EPHA3: variants seen among roughly 807,000 people sequenced by gnomAD.
EPHA3 encodes EPH receptor A3, also known as ephrin type-A receptor 3.
A neutral mutation model predicts 107.1 loss-of-function variants in EPHA3; 42 were observed. That is an observed-to-expected ratio of 0.39 (90% CI 0.31 to 0.51). The LOEUF is 0.51. Among genes scored for constraint, EPHA3 ranks in the 20% least tolerant of loss-of-function variants. EPHA3 has a pLI of 0.78. For missense variants in EPHA3, 1,183 were observed against 1,211.2 expected, an observed-to-expected ratio of 0.98 and a Z score of 0.35; for synonymous variants, 461 against 424.8, an observed-to-expected ratio of 1.09 and a Z score of -1.05.
At chr3:89,373,572 A>G (rs1708347748) in intron 5 of EPHA3, among the ~76,000 whole-genome samples, 1 of 151,796 alleles carries the variant, frequency 6.6e-6, no homozygotes, top group East Asian at 1.9e-4. Flanking sequence ...TCTCATTCCT[A>G]TGTGACAGGT....
At chr3:89,205,851 A>G (rs1706088894) in intron 2 of EPHA3, among the ~76,000 whole-genome samples, 1 of 151,924 alleles carries the variant, frequency 6.6e-6, no homozygotes, top group South Asian at 2.1e-4. Context: ...GCAGGATAGA[A>G]TCTCTGATAA....
chr3:89,356,320 A>G (rs1318172853), intron 5 of EPHA3, among the ~76,000 whole-genome samples: 8 of 150,976 alleles, frequency 5.3e-5, no homozygotes, highest in Non-Finnish European at 7.4e-5. Flanking sequence ...TTATAGCAGC[A>G]TGATTTATAG....
chr3:89,338,377 T>A (rs1218121803), intron 3 of EPHA3, among the ~76,000 whole-genome samples: 2 of 152,100 alleles, frequency 1.3e-5, no homozygotes, highest in Non-Finnish European at 2.9e-5. Flanking sequence ...TTCTGTGGAG[T>A]CTCTTCCAAC....
chr3:89,419,433 C>T, intron 11 of EPHA3, 43 bp downstream of exon 11: 1 of 1,488,766 alleles, frequency 6.7e-7, no homozygotes. Flanking sequence ...GTATGTTGAG[C>T]AAAGGTTGTT....
At chr3:89,413,876 A>T (rs1709200113) in intron 10 of EPHA3, among the ~76,000 whole-genome samples, 1 of 151,716 alleles carries the variant, frequency 6.6e-6, no homozygotes, top group Admixed American at 6.6e-5. Context: ...GGTTAATAAC[A>T]GTTGCATATT....
At chr3:89,257,254 C>G (rs1267823567) in intron 3 of EPHA3, among the ~76,000 whole-genome samples, 1 of 152,208 alleles carries the variant, frequency 6.6e-6, no homozygotes. Context: ...CACATCCTAT[C>G]TGTGTGGAAC....
intron 5 of EPHA3, among the ~76,000 whole-genome samples, chr3:89,353,287 G>T (rs1707870831): frequency 6.6e-6 from 1 of 151,300 alleles, no homozygotes; most frequent in Non-Finnish European, 1.5e-5. Context: ...TTCAGAACAT[G>T]AAGGTAGACA....
intron 2 of EPHA3, among the ~76,000 whole-genome samples, chr3:89,204,494 A>T (rs1706051958): frequency 2.4e-5 from 3 of 122,664 alleles, no homozygotes; most frequent in African/African-American, 5.2e-5. Flanking sequence ...ACACACACAC[A>T]CACACACACA....
chr3:89,175,237 A>C (rs1412178183), intron 2 of EPHA3, among the ~76,000 whole-genome samples: 1 of 152,096 alleles, frequency 6.6e-6, no homozygotes, highest in Non-Finnish European at 1.5e-5. Flanking sequence ...AACACTTGAT[A>C]ATTTACAGTG....
chr3:89,409,462 C>G (rs17026915), intron 9 of EPHA3, among the ~76,000 whole-genome samples: 6,113 of 151,920 alleles, frequency 0.04, 125 homozygotes, highest in South Asian at 0.074. Context: ...TTATGGGAAG[C>G]CTACATCTTA....
intron 5 of EPHA3, among the ~76,000 whole-genome samples, chr3:89,354,776 G>A (rs1022714281): frequency 2.6e-5 from 4 of 151,010 alleles, no homozygotes; most frequent in African/African-American, 9.7e-5. Flanking sequence ...AATTTTATAT[G>A]GCTATAAGTG....
At chr3:89,429,076 A>ATTATTAT in intron 11 of EPHA3, 30 bp from the exon 12 acceptor site, 8 of 1,458,306 alleles carry the variant, frequency 5.5e-6, no homozygotes, top group Non-Finnish European at 7.7e-6. Context: ...AACTGTACTG[A>ATTATTAT]TTATTATTTA....
Position 89,419,244 on chromosome 3 carries a change from C to T in EPHA3, c.1928C>T (p.Pro643Leu), listed in dbSNP as rs146728702. 2.5e-6 allele frequency: 4 copies of T among 1,609,578 alleles called. No homozygotes were observed. In the Admixed American group the frequency reaches 5.0e-5, roughly 20 times the overall value. The change falls in exon 11 of 17, where the codon CCT becomes CTT. Residue 643 changes from proline (P) to leucine (L), a missense_variant. By Grantham distance (98) the Pro-to-Leu change is moderately conservative. Transcript: ENST00000336596. ...GTGTGCAGTGGTCGCTTAAAACTTCCTTCAAAAAAAGAGATTTCAGTGGCC... is the reference window on the plus strand; with the variant it reads ...GTGTGCAGTGGTCGCTTAAAACTTCTTTCAAAAAAAGAGATTTCAGTGGCC... ...GEVCSGRLKL[P>L]SKKEISVAIK...
rs778392937 is a variant in EPHA3, at chr3:89,209,921, A to G, written c.215A>G (p.Asn72Ser). The change falls in exon 3 of 17, where the codon AAT (asparagine) becomes AGT (serine). Residue 72 changes from asparagine to serine, a missense_variant. By Grantham distance (46) the Asn-to-Ser change is conservative. Coordinates refer to ENST00000336596, the MANE Select transcript of EPHA3 (RefSeq NM_005233.6). ...CCCATCAGGACTTACCAGGTGTGCA[A>G]TGTCATGGACCACAGTCAAAACAAT... The part of the protein sequence containing the change: ...YTPIRTYQVC[N>S]VMDHSQNNWL... 5 of 1,613,686 alleles carry G rather than the reference A, an allele frequency of 3.1e-6. No homozygotes were observed. Among genetic ancestry groups the G allele is most frequent in the Admixed American group, 1.7e-5 (1 of 59,894 alleles).
At chr3:89,126,139 A>G (rs1187922268) in intron 1 of EPHA3, among the ~76,000 whole-genome samples, 2 of 151,668 alleles carry the variant, frequency 1.3e-5, no homozygotes, top group Non-Finnish European at 3.0e-5. Flanking sequence ...GTATATATGT[A>G]ACCCCTGAAA....
At chr3:89,254,837 G>A (rs1705243877) in intron 3 of EPHA3, among the ~76,000 whole-genome samples, 1 of 152,166 alleles carries the variant, frequency 6.6e-6, no homozygotes, top group Non-Finnish European at 1.5e-5. Flanking sequence ...ATCAGAACTG[G>A]CAAGACATCT....
At chr3:89,169,808 T>A (rs1275231242) in intron 2 of EPHA3, among the ~76,000 whole-genome samples, 3 of 152,208 alleles carry the variant, frequency 2.0e-5, no homozygotes. Context: ...TTCATAACCT[T>A]AATTTTGTTT....
At chr3:89,163,224 G>C (rs1704988986) in intron 2 of EPHA3, among the ~76,000 whole-genome samples, 1 of 152,110 alleles carries the variant, frequency 6.6e-6, no homozygotes, top group Admixed American at 6.5e-5. Context: ...ATAGTGTACA[G>C]ATTAGAGGTT....
At chr3:89,277,056 A>C (rs902651063) in intron 3 of EPHA3, among the ~76,000 whole-genome samples, 1 of 152,158 alleles carries the variant, frequency 6.6e-6, no homozygotes, top group African/African-American at 2.4e-5. Context: ...AGCTAAATGC[A>C]TATGGACTAG....
Sources: allele counts gnomAD v4.1 joint callset (sites outside exome capture counted in the v4.1 genomes callset), GRCh38; gene constraint gnomAD v4.1.1; transcripts MANE v1.5; gene names NCBI Gene and HGNC (gene_info 2026-07-23, HGNC 2026-07-21).